The following ZPLD1 variants were observed in gnomAD, a reference collection of about 807,000 sequenced individuals.
ZPLD1 encodes zona pellucida like domain containing 1.
Under a neutral mutation model 47.2 loss-of-function variants are expected in ZPLD1, and 34 were observed. The ratio of observed to expected loss-of-function variants is 0.72; its 90% CI spans 0.55 to 0.96. ZPLD1 has a LOEUF of 0.96. Ranked by LOEUF, ZPLD1 falls within the 40% of genes least tolerant of loss-of-function variation. ZPLD1 has a pLI of 0.00. For synonymous variants in ZPLD1, 176 were observed against 186.2 expected, an observed-to-expected ratio of 0.95 and a Z score of 0.45; for missense variants, 512 against 505.8, an observed-to-expected ratio of 1.01 and a Z score of -0.12.
upstream of ZPLD1, among the ~76,000 whole-genome samples, chr3:102,434,126 CT>C (rs1707052131): frequency 1.3e-5 from 2 of 152,082 alleles, no homozygotes; most frequent in African/African-American, 4.8e-5. Context: ...AATATTTAAG[CT>C]TTGGTTTTCA....
chr3:102,426,858 A>G (rs766136649), intron 8 of ZPLD1, among the ~76,000 whole-genome samples: 2 of 152,210 alleles, frequency 1.3e-5, no homozygotes, highest in Admixed American at 6.5e-5. Context: ...CAGCTAAGCT[A>G]TAAATTTTAG....
chr3:102,452,548 A>G (rs1402412177), intron 3 of ZPLD1, among the ~76,000 whole-genome samples: 1 of 152,120 alleles, frequency 6.6e-6, no homozygotes, highest in African/African-American at 2.4e-5. Flanking sequence ...ACTACTCTTG[A>G]CAGGTGATCT....
At chr3:102,408,225 T>C (rs1559742511) in intron 7 of ZPLD1, among the ~76,000 whole-genome samples, 1 of 151,720 alleles carries the variant, frequency 6.6e-6, no homozygotes, top group Non-Finnish European at 1.5e-5. Context: ...CTATTACCCT[T>C]CTAGACCTTA....
At chr3:102,442,055 T>C (rs1033456608) in intron 3 of ZPLD1, among the ~76,000 whole-genome samples, 1 of 152,126 alleles carries the variant, frequency 6.6e-6, no homozygotes, top group African/African-American at 2.4e-5. Flanking sequence ...AAGACATTCC[T>C]GGGTCACAAA....
At chr3:102,403,081 G>T (rs2107293142) in intron 7 of ZPLD1, among the ~76,000 whole-genome samples, 1 of 151,872 alleles carries the variant, frequency 6.6e-6, no homozygotes, top group African/African-American at 2.4e-5. Context: ...GTTCTATTTT[G>T]TGAGATATAA....
At chr3:102,427,738 T>C (rs1398025044) in intron 8 of ZPLD1, among the ~76,000 whole-genome samples, 1 of 152,216 alleles carries the variant, frequency 6.6e-6, no homozygotes, top group African/African-American at 2.4e-5. Flanking sequence ...TACAGTTATA[T>C]TTATTCAAGG....
At chr3:102,399,436 C>T (rs1027346780) in intron 7 of ZPLD1, among the ~76,000 whole-genome samples, 1 of 152,014 alleles carries the variant, frequency 6.6e-6, no homozygotes, top group Non-Finnish European at 1.5e-5. Context: ...CAGAGTTTTG[C>T]TTTTGTTGTC....
intron 10 of ZPLD1, among the ~76,000 whole-genome samples, chr3:102,471,507 T>C (rs555006782): frequency 6.6e-6 from 1 of 152,348 alleles, no homozygotes; most frequent in African/African-American, 2.4e-5. Context: ...TATAACTCTT[T>C]ATAAACATAT....
At chr3:102,418,946 C>T (rs902800592) in intron 8 of ZPLD1, among the ~76,000 whole-genome samples, 3 of 151,972 alleles carry the variant, frequency 2.0e-5, no homozygotes, top group African/African-American at 7.2e-5. Flanking sequence ...ATGGCTTCTT[C>T]TATTTTGCCT....
chr3:102,451,863 C>T (rs1372635156), intron 3 of ZPLD1, among the ~76,000 whole-genome samples: 2 of 152,076 alleles, frequency 1.3e-5, no homozygotes, highest in Non-Finnish European at 2.9e-5. Flanking sequence ...GTTCATTTTA[C>T]CCCAGTATTA....
intron 7 of ZPLD1, among the ~76,000 whole-genome samples, chr3:102,410,911 T>C (rs1706741666): frequency 6.6e-6 from 1 of 151,868 alleles, no homozygotes; most frequent in Admixed American, 6.6e-5. Context: ...CTTCAAAATG[T>C]AATATTGTTC....
At chr3:102,474,367 G>C (rs1707727192) in intron 10 of ZPLD1, among the ~76,000 whole-genome samples, 2 of 152,134 alleles carry the variant, frequency 1.3e-5, no homozygotes, top group African/African-American at 4.8e-5. Context: ...TGAGTTTTAT[G>C]AGTAGTTAAT....
intron 8 of ZPLD1, among the ~76,000 whole-genome samples, chr3:102,468,511 CTT>C (rs1167895888): frequency 6.6e-6 from 1 of 152,122 alleles, no homozygotes; most frequent in African/African-American, 2.4e-5. Flanking sequence ...ACTGCTAAAT[CTT>C]TAAAAGGCGA....
chr3:102,437,017 T>C (rs1167998588), intron 2 of ZPLD1, 44 bp downstream of exon 2: 3 of 849,588 alleles, frequency 3.5e-6, no homozygotes, highest in Non-Finnish European at 4.3e-6. Flanking sequence ...TTCTTTCTTT[T>C]CTAGTGTCTT....
chr3:102,400,747 C>T lies in ZPLD1; in HGVS notation c.-157+8522C>T, dbSNP rs183696083. ...GTAGAGATATTGTCCCACACTTCTTCCTATTTCCACACCTGATGCAGCAAC... is the reference window on the plus strand; with the variant it reads ...GTAGAGATATTGTCCCACACTTCTTTCTATTTCCACACCTGATGCAGCAAC... On this transcript the variant is annotated intron_variant, in intron 7 of 17. Coordinates refer to the ZPLD1 transcript ENST00000491959. Among the ~76,000 whole-genome samples, 265 of 152,102 alleles carry T rather than the reference C, an allele frequency of 1.7e-3. 2 individuals are homozygous for T. The highest frequency in any genetic ancestry group is 0.01 in the Middle Eastern group (3 of 294).
chr3:102,456,545 ATATCTATCTATCTATCTATC>A (rs3077584), intron 5 of ZPLD1, among the ~76,000 whole-genome samples, 171 bp downstream of exon 5: 34 of 147,140 alleles, frequency 2.3e-4, no homozygotes, highest in Admixed American at 7.5e-4. Context: ...TTTATCTATT[ATATCTATCTATCTATCTATC>A]TATCTATCTA....
upstream of ZPLD1, among the ~76,000 whole-genome samples, chr3:102,430,669 G>T (rs1658179359): frequency 6.6e-6 from 1 of 152,150 alleles, no homozygotes; most frequent in South Asian, 2.1e-4. Context: ...ATTCATTGTT[G>T]GTACCCATGA....
At position 102,462,295 on chromosome 3, in the gene ZPLD1, C is replaced by A. The variant is rs375099991; in HGVS notation, c.597C>A (p.Asn199Lys). 1.2e-6 allele frequency: 2 copies of A among 1,608,420 alleles called. No individual in the cohort carries two copies. Among genetic ancestry groups the A allele is most frequent in the Non-Finnish European group, 1.7e-6 (2 of 1,176,758 alleles). The change falls in exon 7 of 12, where the codon AAC becomes AAA. Residue 199 changes from asparagine (N) to lysine (K), a missense_variant. By Grantham distance (94) the Asn-to-Lys change is moderately conservative. Coordinates refer to ENST00000466937, the MANE Select transcript of ZPLD1 (RefSeq NM_001329788.2). ...NLLLYNDSTYNQQLIIPSIGL... is the reference protein window; with the variant it reads ...NLLLYNDSTYKQQLIIPSIGL... The stretch of plus-strand genomic sequence containing the variant: ...TTCATCATTAGGATTCAACCTACAA[C>A]CAGCAGTTAATTATCCCCAGTATAG...
intron 4 of ZPLD1, among the ~76,000 whole-genome samples, chr3:102,455,473 G>A (rs936679679): frequency 7.9e-5 from 12 of 152,194 alleles, no homozygotes; most frequent in Non-Finnish European, 1.6e-4. Flanking sequence ...CCTAGAAGTA[G>A]ATAAGTATCT....
Sources: allele counts gnomAD v4.1 joint callset (sites outside exome capture counted in the v4.1 genomes callset), GRCh38; gene constraint gnomAD v4.1.1; transcripts MANE v1.5; gene names NCBI Gene and HGNC (gene_info 2026-07-23, HGNC 2026-07-21).